Variants in FAT3 observed in about 807,000 individuals in gnomAD.
FAT3 encodes the protein FAT atypical cadherin 3.
In FAT3, 95 loss-of-function variants were observed where a neutral mutation model predicts 310.2. That is an observed-to-expected ratio of 0.31 (90% CI 0.26 to 0.36). The LOEUF (loss-of-function observed/expected upper bound fraction) is 0.36. Among genes scored for constraint, FAT3 ranks in the 10% least tolerant of loss-of-function variants. FAT3 has a pLI of 1.00. For synonymous variants in FAT3, 2,314 were observed against 2,192.9 expected, an observed-to-expected ratio of 1.06 and a Z score of -1.54; for missense variants, 5,408 against 5,715.6, an observed-to-expected ratio of 0.95 and a Z score of 1.74.
At chr11:92,618,736 A>G (rs1449923264) in intron 3 of FAT3, among the ~76,000 whole-genome samples, 3 of 152,152 alleles carry the variant, frequency 2.0e-5, no homozygotes, top group Non-Finnish European at 4.4e-5. Context: ...TAGCTCCAAC[A>G]TTTCTTTGTG....
At chr11:92,796,477 A>T (rs915841560) in intron 9 of FAT3, among the ~76,000 whole-genome samples, 3 of 152,196 alleles carry the variant, frequency 2.0e-5, no homozygotes, top group Non-Finnish European at 4.4e-5. Flanking sequence ...TTATATAATT[A>T]GCATGTAGGA....
intron 4 of FAT3, among the ~76,000 whole-genome samples, chr11:92,720,672 C>T (rs1229528796): frequency 2.0e-5 from 3 of 152,186 alleles, no homozygotes; most frequent in Non-Finnish European, 4.4e-5. Flanking sequence ...TATCTTTCTC[C>T]TCATCCTTAT....
At chr11:92,488,357 C>T (rs1424540320) in intron 2 of FAT3, among the ~76,000 whole-genome samples, 3 of 151,596 alleles carry the variant, frequency 2.0e-5, no homozygotes, top group African/African-American at 4.8e-5. Context: ...ACCCAGACTC[C>T]TGGCCCATGG....
chr11:92,888,277 C>G (rs1262031175), intron 25 of FAT3, among the ~76,000 whole-genome samples: 1 of 152,184 alleles, frequency 6.6e-6, no homozygotes, highest in Non-Finnish European at 1.5e-5. Flanking sequence ...ACTCCCAGAT[C>G]TGTCTGCCTT....
intron 6 of FAT3, among the ~76,000 whole-genome samples, chr11:92,772,357 A>ATCATGTT (rs1325191368): frequency 3.9e-5 from 6 of 152,070 alleles, no homozygotes; most frequent in Non-Finnish European, 8.8e-5. Flanking sequence ...ATAGCAAATG[A>ATCATGTT]TCATGTTTTT....
intron 7 of FAT3, among the ~76,000 whole-genome samples, chr11:92,784,558 T>C (rs76423812): frequency 0.047 from 7,134 of 152,274 alleles, 323 homozygotes; most frequent in East Asian, 0.21. Flanking sequence ...GTGGGCAGCA[T>C]TGAAACCAGC....
intron 2 of FAT3, among the ~76,000 whole-genome samples, chr11:92,476,055 G>A (rs1307091355): frequency 6.6e-6 from 1 of 151,990 alleles, no homozygotes; most frequent in African/African-American, 2.4e-5. Context: ...CTGGCCAGCA[G>A]TGAGTGTGTG....
chr11:92,610,489 A>C (rs906251489), intron 3 of FAT3, among the ~76,000 whole-genome samples: 2 of 152,200 alleles, frequency 1.3e-5, no homozygotes, highest in Non-Finnish European at 2.9e-5. Flanking sequence ...TGTATAGTTT[A>C]GACCAATATT....
Position 92,684,078 on chromosome 11 carries a change from T to C in FAT3, c.3608-13306T>C, listed in dbSNP as rs547000711. 3.3e-5 allele frequency among the ~76,000 whole-genome samples: 5 copies of C among 152,264 alleles called. No individual in the cohort carries two copies. The South Asian group carries it at 1.0e-3, about 32-fold the overall frequency. On this transcript the variant is annotated intron_variant, in intron 3 of 27. Coordinates refer to ENST00000525166, the MANE Select transcript of FAT3 (RefSeq NM_001367949.2). The stretch of plus-strand genomic sequence containing the variant: ...CACAGAGCTGTGAATGGTTTAAAAA[T>C]CCACTCTCAGGCTCAATGCACAGCC...
At chr11:92,440,737 C>T (rs1591294536) in intron 2 of FAT3, among the ~76,000 whole-genome samples, 3 of 152,246 alleles carry the variant, frequency 2.0e-5, no homozygotes, top group Non-Finnish European at 4.4e-5. Context: ...AAAATTGAAA[C>T]GAAGATAATA....
At chr11:92,787,147 G>T (rs1221000878) in intron 7 of FAT3, among the ~76,000 whole-genome samples, 1 of 152,134 alleles carries the variant, frequency 6.6e-6, no homozygotes, top group Non-Finnish European at 1.5e-5. Context: ...ACCCTCCCCA[G>T]TTGAGAACTG....
At chr11:92,491,591 A>G (rs1394609399) in intron 2 of FAT3, among the ~76,000 whole-genome samples, 2 of 152,116 alleles carry the variant, frequency 1.3e-5, no homozygotes, top group Non-Finnish European at 2.9e-5. Flanking sequence ...AGTGCTGTAT[A>G]TGTAGGAATT....
intron 2 of FAT3, among the ~76,000 whole-genome samples, chr11:92,407,296 G>A (rs1950155979): frequency 6.6e-6 from 1 of 152,144 alleles, no homozygotes; most frequent in Non-Finnish European, 1.5e-5. Context: ...GCTCCGGTAT[G>A]CTAAAGACTG....
intron 2 of FAT3, among the ~76,000 whole-genome samples, chr11:92,445,141 C>G (rs1174554917): frequency 6.6e-6 from 1 of 152,202 alleles, no homozygotes; most frequent in Non-Finnish European, 1.5e-5. Context: ...ACCTCCCAAA[C>G]TATGAGAAAA....
rs927090334 is a variant in FAT3 at position 92,895,533 on chromosome 11, G to C, written c.*4420G>C. 5.3e-5 allele frequency: 8 copies of C among 152,154 alleles called. No homozygotes were observed. Among genetic ancestry groups the C allele is most frequent in the African/African-American group, 1.9e-4 (8 of 41,436 alleles). 9.4% of individuals were successfully genotyped at this position (152,154 alleles called of 1,614,324 possible). The stretch of plus-strand genomic sequence containing the variant: ...GTTTAGAATGCACTTGAGAATCGTA[G>C]AGTCATTTGGAGCGTGTTTGGACCA... On this transcript the variant is annotated 3_prime_UTR_variant, in exon 28 of 28. Coordinates refer to ENST00000525166, the MANE Select transcript of FAT3 (RefSeq NM_001367949.2).
chr11:92,428,498 GCA>G (rs1950690737), intron 2 of FAT3, among the ~76,000 whole-genome samples: 1 of 151,936 alleles, frequency 6.6e-6, no homozygotes, highest in Non-Finnish European at 1.5e-5. Flanking sequence ...TAGATCTTCT[GCA>G]CTTTCTCCTG....
At chr11:92,336,484 G>A in intron 1 of FAT3, 1 of 278,222 alleles carries the variant, frequency 3.6e-6, no homozygotes, top group Admixed American at 4.7e-5. Context: ...AAACTTAACA[G>A]CCCAACTGCC....
At chr11:92,477,294 G>C (rs1042889929) in intron 2 of FAT3, among the ~76,000 whole-genome samples, 7 of 152,136 alleles carry the variant, frequency 4.6e-5, no homozygotes, top group Non-Finnish European at 1.0e-4. Flanking sequence ...GTGTATTTTT[G>C]TCCACGGCCT....
intron 1 of FAT3, among the ~76,000 whole-genome samples, chr11:92,297,912 G>A (rs1178965884): frequency 6.6e-6 from 1 of 152,114 alleles, no homozygotes; most frequent in East Asian, 1.9e-4. Context: ...GGGAAAGTGG[G>A]ATGGCAGTAA....
Sources: gnomAD v4.1 joint callset for allele counts (sites outside exome capture counted in the v4.1 genomes callset) on GRCh38, gnomAD v4.1.1 for gene constraint, MANE v1.5 for transcripts, NCBI Gene and HGNC (gene_info 2026-07-23, HGNC 2026-07-21) for gene names.